Variants in STXBP5 observed in about 807,000 individuals in gnomAD.
STXBP5 encodes syntaxin binding protein 5.
STXBP5 carries 50 observed loss-of-function variants against 152.4 expected under a neutral mutation model. That is an observed-to-expected ratio of 0.33 (90% CI 0.26 to 0.42). The LOEUF (loss-of-function observed/expected upper bound fraction) is 0.42. Among genes scored for constraint, STXBP5 ranks in the 10% least tolerant of loss-of-function variants. The pLI is 1.00. For missense variants in STXBP5, 1,167 were observed against 1,388.6 expected (o/e 0.84, Z 2.54); for synonymous variants, 492 against 494.7 (o/e 0.99, Z 0.07).
intron 9 of STXBP5, among the ~76,000 whole-genome samples, chr6:147,300,140 A>AT (rs1488185595): frequency 3.3e-5 from 5 of 152,096 alleles, no homozygotes; most frequent in African/African-American, 1.2e-4. Context: ...ACTATAAAAC[A>AT]TTGAGGAAAG....
chr6:147,312,126 C>A (rs1782411690), intron 11 of STXBP5, among the ~76,000 whole-genome samples: 1 of 152,236 alleles, frequency 6.6e-6, no homozygotes, highest in Admixed American at 6.5e-5. Flanking sequence ...CTATGTAATT[C>A]CCAATACCTG....
chr6:147,347,759 T>C (rs1784402000), intron 21 of STXBP5, among the ~76,000 whole-genome samples: 1 of 151,994 alleles, frequency 6.6e-6, no homozygotes. Flanking sequence ...CATCTTGTAA[T>C]AAAAAAAAGT....
intron 9 of STXBP5, among the ~76,000 whole-genome samples, chr6:147,302,828 A>G (rs1309140049): frequency 6.6e-6 from 1 of 152,180 alleles, no homozygotes; most frequent in Admixed American, 6.5e-5. Context: ...GGCGTATAAC[A>G]TGTATTTGGT....
At chr6:147,339,120 C>T (rs1783973481) in intron 19 of STXBP5, 59 bp from the exon 20 acceptor site, 2 of 1,367,406 alleles carry the variant, frequency 1.5e-6, no homozygotes, top group Admixed American at 5.5e-5. Context: ...TTTCTTGTTA[C>T]AGCTCAGTAT....
chr6:147,319,806 C>G (rs1356603835), intron 16 of STXBP5, among the ~76,000 whole-genome samples: 1 of 136,056 alleles, frequency 7.3e-6, no homozygotes. Flanking sequence ...AGTAATTATA[C>G]TTCTCTTTAC....
At chr6:147,308,507 G>C (rs1230585261) in intron 9 of STXBP5, among the ~76,000 whole-genome samples, 3 of 152,144 alleles carry the variant, frequency 2.0e-5, no homozygotes, top group African/African-American at 7.2e-5. Context: ...GGCAGGTACT[G>C]TTCCAGGCAC....
rs191229985 is a variant in STXBP5, at chr6:147,227,841, G to T, written c.249-7409G>T. The stretch of plus-strand genomic sequence containing the variant: ...CCTGTGATGACTTTTTTATTTCAAA[G>T]TCAAGTGATATCTTTTGAGTACATT... On this transcript the variant is annotated intron_variant, in intron 2 of 27. Coordinates refer to ENST00000321680, the MANE Select transcript of STXBP5 (RefSeq NM_001127715.4). 2.7e-3 allele frequency among the ~76,000 whole-genome samples: 404 copies of T among 152,074 alleles called. 2 individuals carry two copies. The highest frequency in any genetic ancestry group is 4.8e-3 in the Non-Finnish European group (324 of 68,000).
chr6:147,357,468 TTGAGTAAGATTATAAGCA>T (rs1199602501), intron 22 of STXBP5, among the ~76,000 whole-genome samples: 4 of 152,094 alleles, frequency 2.6e-5, no homozygotes, highest in Admixed American at 1.3e-4. Context: ...TCTTAAAAAC[TTGAGTAAGATTATAAGCA>T]TGATTAAAAA....
chr6:147,279,696 G>T (rs939916909), intron 8 of STXBP5, among the ~76,000 whole-genome samples: 6 of 152,160 alleles, frequency 3.9e-5, no homozygotes, highest in Non-Finnish European at 7.4e-5. Context: ...TATTTCTTAT[G>T]ATAGTAGGTT....
At chr6:147,329,694 T>C (rs1280804552) in intron 18 of STXBP5, among the ~76,000 whole-genome samples, 3 of 143,130 alleles carry the variant, frequency 2.1e-5, no homozygotes, top group Non-Finnish European at 3.0e-5. Context: ...GGCGCTGTCT[T>C]GGCTCACTGC....
At chr6:147,286,916 G>C (rs149871235) in intron 8 of STXBP5, among the ~76,000 whole-genome samples, 1 of 151,742 alleles carries the variant, frequency 6.6e-6, no homozygotes, top group African/African-American at 2.4e-5. Context: ...CTAAAATCAT[G>C]TGTATTAACA....
rs1309475131 is a variant in STXBP5 at position 147,389,883 on chromosome 6, A to G, written c.*5128A>G. On this transcript the variant is annotated 3_prime_UTR_variant, in exon 28 of 28. Transcript: ENST00000321680. ...CTGTGATACTTTAGGTGTGACCTCT[A>G]TTCCACATGATAGTTAGAACCAGAA... 6.6e-6 allele frequency: 1 copy of G among 151,514 alleles called. No homozygotes were observed. The highest frequency in any genetic ancestry group is 1.5e-5 in the Non-Finnish European group (1 of 67,748). 9.4% of individuals were successfully genotyped at this position (151,514 alleles called of 1,614,324 possible).
intron 11 of STXBP5, 76 bp downstream of exon 11, chr6:147,311,603 A>G (rs1782380316): frequency 8.8e-7 from 1 of 1,138,570 alleles, no homozygotes; most frequent in Non-Finnish European, 1.3e-6. Flanking sequence ...AGCATTAGCT[A>G]TTTCATTTCT....
chr6:147,288,902 G>A (rs1781130594), intron 8 of STXBP5, among the ~76,000 whole-genome samples: 1 of 152,138 alleles, frequency 6.6e-6, no homozygotes, highest in Non-Finnish European at 1.5e-5. Flanking sequence ...CTTCCCTTAG[G>A]GTGTGCTGCC....
intron 7 of STXBP5, among the ~76,000 whole-genome samples, chr6:147,268,148 A>G (rs1216780687): frequency 6.6e-6 from 1 of 152,182 alleles, no homozygotes. Context: ...CATATTTGAT[A>G]TACTTCAATC....
chr6:147,257,590 A>G (rs543884894), intron 4 of STXBP5, among the ~76,000 whole-genome samples: 102 of 152,282 alleles, frequency 6.7e-4, no homozygotes, highest in Non-Finnish European at 1.3e-3. Context: ...AAATTAAAAA[A>G]TAATCTTTAA....
chr6:147,256,533 T>C (rs959022251), intron 4 of STXBP5, among the ~76,000 whole-genome samples: 3 of 152,160 alleles, frequency 2.0e-5, no homozygotes, highest in African/African-American at 7.2e-5. Context: ...CTGAATATGG[T>C]TTCACTAAAT....
At chr6:147,351,797 G>A (rs1562263097) in intron 21 of STXBP5, 3 of 971,170 alleles carry the variant, frequency 3.1e-6, no homozygotes, top group African/African-American at 1.8e-5. Context: ...TCTGCCTAAT[G>A]CCTCTTTCCT....
At chr6:147,269,628 A>G (rs1420264197) in intron 7 of STXBP5, among the ~76,000 whole-genome samples, 1 of 152,214 alleles carries the variant, frequency 6.6e-6, no homozygotes, top group Non-Finnish European at 1.5e-5. Flanking sequence ...TTAAGAAGGT[A>G]GATGAAAGTA....
Sources: allele counts gnomAD v4.1 joint callset (sites outside exome capture counted in the v4.1 genomes callset), GRCh38; gene constraint gnomAD v4.1.1; transcripts MANE v1.5; gene names NCBI Gene and HGNC (gene_info 2026-07-23, HGNC 2026-07-21).